Variants in R3HDM1 observed in about 807,000 individuals in gnomAD.
R3HDM1 encodes R3H domain-containing protein 1.
R3HDM1 carries 46 observed loss-of-function variants against 141.1 expected under a neutral mutation model. The observed-to-expected ratio is 0.33, with a 90% CI of 0.26 to 0.42. R3HDM1 has a LOEUF of 0.42. Ranked by LOEUF, R3HDM1 falls within the 10% of genes least tolerant of loss-of-function variation. The pLI is 1.00. For synonymous variants in R3HDM1, 435 were observed against 472.9 expected, an observed-to-expected ratio of 0.92 and a Z score of 1.04; for missense variants, 1,184 against 1,368.3, an observed-to-expected ratio of 0.87 and a Z score of 2.12.
At position 135,661,338 on chromosome 2, in the gene R3HDM1, T is replaced by C. The variant is rs762777856; in HGVS notation, c.2097T>C (p.Ser699=). Reference sequence around the variant, plus strand: ...AACCTCAGTATCGCCCAGTCCCTTCTGTTCATTACAATTCACATCTAAACC... The same window carrying C: ...AACCTCAGTATCGCCCAGTCCCTTCCGTTCATTACAATTCACATCTAAACC... ...SSQPQYRPVP[S]VHYNSHLNQP... The change falls in exon 19 of 27, where the codon TCT becomes TCC. Residue 699 remains serine (S), a synonymous_variant. Transcript: ENST00000683871. 25 of 1,613,838 alleles carry C rather than the reference T, an allele frequency of 1.5e-5. No homozygotes were observed. The highest frequency in any genetic ancestry group is 1.8e-5 in the Non-Finnish European group (21 of 1,179,822).
chr2:135,590,009 G>A (rs1430955658), intron 1 of R3HDM1, among the ~76,000 whole-genome samples: 1 of 152,098 alleles, frequency 6.6e-6, no homozygotes, highest in Non-Finnish European at 1.5e-5. Flanking sequence ...ATACACGTGT[G>A]AGTAAGCACA....
intron 21 of R3HDM1, among the ~76,000 whole-genome samples, chr2:135,707,198 CCTT>C (rs1296464850): frequency 6.6e-6 from 1 of 152,214 alleles, no homozygotes; most frequent in Non-Finnish European, 1.5e-5. Context: ...CTTTAAAAGT[CCTT>C]CTTTCCCTCC....
rs147095756 is a variant in R3HDM1 at position 135,587,661 on chromosome 2, A to C, written c.-249-14839A>C. On this transcript the variant is annotated intron_variant, in intron 1 of 26. Transcript: ENST00000683871. ...GTTTTTTCTTGAGAACTATAAAAGA[A>C]AAAATTAAAATAAGCAACACATACT... Among the ~76,000 whole-genome samples the C allele has an allele frequency of 1.4e-3, 218 of 152,330 alleles. 1 individual carries two copies. Among genetic ancestry groups the C allele is most frequent in the African/African-American group, 5.0e-3 (210 of 41,586 alleles).
intron 4 of R3HDM1, 121 bp from the exon 5 acceptor site, chr2:135,616,547 A>G (rs2061037091): frequency 2.6e-6 from 2 of 781,586 alleles, no homozygotes; most frequent in Middle Eastern, 3.3e-4. Context: ...TAACTTGCAC[A>G]TTTCATCTAC....
intron 16 of R3HDM1, among the ~76,000 whole-genome samples, chr2:135,646,424 C>T (rs77985886): frequency 0.12 from 18,415 of 151,564 alleles, 1,354 homozygotes; most frequent in South Asian, 0.32. Flanking sequence ...CATGAGCCAC[C>T]GCGCCCGGCC....
At chr2:135,651,519 T>C (rs1456518232) in intron 17 of R3HDM1, 3 of 947,858 alleles carry the variant, frequency 3.2e-6, no homozygotes, top group Non-Finnish European at 3.8e-6. Flanking sequence ...CCACTAGATA[T>C]ATTTTTTAAA....
intron 18 of R3HDM1, among the ~76,000 whole-genome samples, chr2:135,652,860 A>G (rs1172245828): frequency 6.6e-6 from 1 of 152,056 alleles, no homozygotes; most frequent in Non-Finnish European, 1.5e-5. Flanking sequence ...CTTTGGACTA[A>G]ATTTCATACT....
intron 19 of R3HDM1, among the ~76,000 whole-genome samples, chr2:135,671,146 A>G (rs912811034): frequency 4.6e-5 from 7 of 150,710 alleles, no homozygotes; most frequent in Non-Finnish European, 1.0e-4. Flanking sequence ...ATAAAGTTAA[A>G]CAGTTTGTAT....
At chr2:135,544,683 A>G (rs1212580666) in intron 1 of R3HDM1, among the ~76,000 whole-genome samples, 5 of 152,200 alleles carry the variant, frequency 3.3e-5, no homozygotes. Context: ...AGGGCCAGGC[A>G]TGGTGGCTCA....
chr2:135,561,153 C>T (rs1701728071), intron 1 of R3HDM1: 1 of 258,438 alleles, frequency 3.9e-6, no homozygotes, highest in South Asian at 1.5e-4. Context: ...CTGACTCCGT[C>T]AGATTTCTAA....
At chr2:135,654,086 C>T (rs1260605500) in intron 18 of R3HDM1, among the ~76,000 whole-genome samples, 1 of 152,126 alleles carries the variant, frequency 6.6e-6, no homozygotes, top group African/African-American at 2.4e-5. Context: ...ATTTTCATCA[C>T]TCTAAAAGGA....
chr2:135,664,049 A>AG, intron 19 of R3HDM1, among the ~76,000 whole-genome samples: 1 of 151,624 alleles, frequency 6.6e-6, no homozygotes, highest in Admixed American at 6.6e-5. Flanking sequence ...AAAAAAAAAA[A>AG]CTTAACAGAA....
chr2:135,569,581 T>A (rs1703589673), intron 1 of R3HDM1, among the ~76,000 whole-genome samples: 1 of 152,186 alleles, frequency 6.6e-6, no homozygotes, highest in African/African-American at 2.4e-5. Flanking sequence ...GATACTAGAC[T>A]CTACCGCTCA....
At chr2:135,652,174 CTG>C in intron 18 of R3HDM1, 142 bp downstream of exon 18, 2 of 1,303,534 alleles carry the variant, frequency 1.5e-6, no homozygotes, top group East Asian at 2.8e-5. Context: ...CTTTCCGCCT[CTG>C]GAGATTTTCA....
At position 135,699,040 on chromosome 2, in the gene R3HDM1, TAGATAAGA is replaced by T. The variant is rs1261296216; in HGVS notation, c.2460-10392_2460-10385del. On this transcript the variant is annotated intron_variant, in intron 21 of 26. Transcript: ENST00000683871. ...ATAGATAGATAGATAGATAGATAGA[TAGATAAGA>T]TAGATAAGATAGATTGATTAGATAG... Among the ~76,000 whole-genome samples, 72 of 113,850 alleles carry T rather than the reference TAGATAAGA, an allele frequency of 6.3e-4. 2 individuals carry two copies. Among genetic ancestry groups the T allele is most frequent in the African/African-American group, 2.0e-3 (64 of 32,540 alleles). 74.7% of individuals were successfully genotyped at this position (113,850 alleles called of 152,430 possible).
At chr2:135,692,258 T>A (rs1025748598) in intron 21 of R3HDM1, among the ~76,000 whole-genome samples, 1 of 151,998 alleles carries the variant, frequency 6.6e-6, no homozygotes, top group African/African-American at 2.4e-5. Context: ...GTTTGTGTCA[T>A]GTGGAGTCTT....
chr2:135,605,089 C>T, intron 3 of R3HDM1, 73 bp downstream of exon 3: 1 of 1,287,948 alleles, frequency 7.8e-7, no homozygotes, highest in South Asian at 1.5e-5. Context: ...TCATACAAAA[C>T]TCACTTCTCA....
At chr2:135,646,773 C>T (rs1305958490) in intron 16 of R3HDM1, among the ~76,000 whole-genome samples, 4 of 149,716 alleles carry the variant, frequency 2.7e-5, no homozygotes, top group East Asian at 4.0e-4. Flanking sequence ...CACTTGAACC[C>T]GGGAGGTTGC....
Position 135,680,333 on chromosome 2 carries a change from G to A in R3HDM1, c.2459+9G>A. 1 of 1,613,108 alleles carries A rather than the reference G, an allele frequency of 6.2e-7. No individual in the cohort carries two copies. Among genetic ancestry groups the A allele is most frequent in the Non-Finnish European group, 8.5e-7 (1 of 1,179,334 alleles). On this transcript the variant is annotated intron_variant, in intron 21 of 26. Coordinates refer to ENST00000683871, the MANE Select transcript of R3HDM1 (RefSeq NM_001378107.1). ...CAACAAAACAATTTAAGGTGAGTAT[G>A]ACTGAGTAACCTAATCTTCCAGCTT...
Sources: gnomAD v4.1 joint callset for allele counts (sites outside exome capture counted in the v4.1 genomes callset) on GRCh38, gnomAD v4.1.1 for gene constraint, MANE v1.5 for transcripts, NCBI Gene and HGNC (gene_info 2026-07-23, HGNC 2026-07-21) for gene names.